The following FRAS1 variants were observed in gnomAD, a reference collection of about 807,000 sequenced individuals.
FRAS1 encodes Fraser extracellular matrix complex subunit 1, also known as extracellular matrix organizing protein FRAS1.
FRAS1 carries 290 observed loss-of-function variants against 435.2 expected under a neutral mutation model. The observed-to-expected ratio is 0.67, with a 90% confidence interval of 0.61 to 0.73. The LOEUF is 0.73. Ranked by LOEUF, FRAS1 falls within the 30% of genes least tolerant of loss-of-function variation. The probability of loss-of-function intolerance (pLI) is 0.00; values close to 1 mark genes in which losing one functional copy is unlikely to be tolerated. For missense variants in FRAS1, 4,860 were observed against 5,001.5 expected, an observed-to-expected ratio of 0.97 and a Z score of 0.85; for synonymous variants, 1,800 against 1,851.0, an observed-to-expected ratio of 0.97 and a Z score of 0.71.
intron 23 of FRAS1, 89 bp from the exon 24 acceptor site, chr4:78,372,629 T>G: frequency 3.3e-6 from 5 of 1,505,592 alleles, no homozygotes; most frequent in Non-Finnish European, 4.6e-6. Flanking sequence ...TTTTACTCCT[T>G]GCAGCTGCAG....
chr4:78,415,130 C>T (rs182082236), intron 32 of FRAS1, among the ~76,000 whole-genome samples: 197 of 152,300 alleles, frequency 1.3e-3, no homozygotes, highest in African/African-American at 4.5e-3. Flanking sequence ...TCCATTGTAT[C>T]ATTCTTATGC....
intron 65 of FRAS1, among the ~76,000 whole-genome samples, chr4:78,514,306 T>G (rs749590268): frequency 6.6e-6 from 1 of 152,228 alleles, no homozygotes; most frequent in Non-Finnish European, 1.5e-5. Context: ...AGGCAGCGCA[T>G]CTCTGTGTTC....
chr4:78,438,734 GTAT>G lies in FRAS1; in HGVS notation c.5366+21_5366+23del, dbSNP rs1560728177. 1 of 1,564,358 alleles carries G rather than the reference GTAT, an allele frequency of 6.4e-7. No individual in the cohort carries two copies. The highest frequency in any genetic ancestry group is 2.0e-5 in the Admixed American group (1 of 50,234). ...AGAAAATCAGGTACATAATCACTTTGTATTATTTGACAGATTCTTAAAAACTTG... is the reference window on the plus strand; with the variant it reads ...AGAAAATCAGGTACATAATCACTTTGTATTTGACAGATTCTTAAAAACTTG... On this transcript the variant is annotated intron_variant, in intron 39 of 73. Transcript: ENST00000512123.
chr4:78,422,921 A>G (rs958250435), intron 34 of FRAS1, among the ~76,000 whole-genome samples: 2 of 152,174 alleles, frequency 1.3e-5, no homozygotes, highest in African/African-American at 4.8e-5. Context: ...TAAAACCAGA[A>G]TTTGGCAGAA....
chr4:78,087,518 A>C (rs1387658071), intron 2 of FRAS1, among the ~76,000 whole-genome samples: 2 of 152,214 alleles, frequency 1.3e-5, no homozygotes, highest in African/African-American at 4.8e-5. Context: ...TTGTATCTGT[A>C]GAAAACCCCA....
At chr4:78,339,623 G>T (rs1267253639) in intron 20 of FRAS1, among the ~76,000 whole-genome samples, 1 of 152,198 alleles carries the variant, frequency 6.6e-6, no homozygotes, top group Non-Finnish European at 1.5e-5. Context: ...CAGGAGACAG[G>T]CCCAGCAGGT....
intron 6 of FRAS1, among the ~76,000 whole-genome samples, chr4:78,263,623 A>G (rs1726218258): frequency 6.6e-6 from 1 of 152,226 alleles, no homozygotes; most frequent in African/African-American, 2.4e-5. Context: ...ACATCAGCTA[A>G]CCTTCATTTT....
chr4:78,413,836 A>G (rs962586101), intron 32 of FRAS1, among the ~76,000 whole-genome samples: 1 of 152,162 alleles, frequency 6.6e-6, no homozygotes. Context: ...AAATTGGTAC[A>G]TGAAGCTTAG....
chr4:78,264,141 T>C (rs1726241332), intron 6 of FRAS1, among the ~76,000 whole-genome samples: 1 of 152,248 alleles, frequency 6.6e-6, no homozygotes, highest in South Asian at 2.1e-4. Context: ...CTGCCTTTCA[T>C]GTCTCCTTTC....
At chr4:78,201,411 C>A (rs1295191922) in intron 2 of FRAS1, among the ~76,000 whole-genome samples, 2 of 152,202 alleles carry the variant, frequency 1.3e-5, no homozygotes, top group African/African-American at 2.4e-5. Context: ...GAACTCGAAA[C>A]TTTAGCCTAA....
intron 63 of FRAS1, among the ~76,000 whole-genome samples, chr4:78,509,778 G>A (rs80150241): frequency 1.2e-3 from 184 of 152,342 alleles, no homozygotes; most frequent in African/African-American, 3.8e-3. Flanking sequence ...TGAGCTGAAA[G>A]CAGTTGAGAT....
At chr4:78,344,717 T>A (rs1312688663) in intron 20 of FRAS1, among the ~76,000 whole-genome samples, 1 of 152,184 alleles carries the variant, frequency 6.6e-6, no homozygotes, top group Admixed American at 6.5e-5. Flanking sequence ...ACGAACTTGC[T>A]GGTCTGTTTT....
intron 66 of FRAS1, among the ~76,000 whole-genome samples, chr4:78,516,679 A>G (rs1285245685): frequency 1.3e-5 from 2 of 152,232 alleles, no homozygotes; most frequent in African/African-American, 4.8e-5. Context: ...TTATAATCAT[A>G]GTGAAAGGGG....
chr4:78,158,178 A>G (rs1021918761), intron 2 of FRAS1, among the ~76,000 whole-genome samples: 1 of 152,176 alleles, frequency 6.6e-6, no homozygotes, highest in South Asian at 2.1e-4. Flanking sequence ...TTGATTCCAT[A>G]TGAATTTTAG....
rs116339551 is a variant in FRAS1, at chr4:78,381,853, A to C, written c.3563+1857A>C. Among the ~76,000 whole-genome samples, 1,387 of 151,362 alleles carry C rather than the reference A, an allele frequency of 9.2e-3. 21 individuals are homozygous for C. Among genetic ancestry groups the C allele is most frequent in the African/African-American group, 0.031 (1,289 of 41,106 alleles). On this transcript the variant is annotated intron_variant, in intron 27 of 73. Coordinates refer to ENST00000512123, the MANE Select transcript of FRAS1 (RefSeq NM_025074.7). Reference sequence around the variant, plus strand: ...TTTGGGGTACCCATTTTAATACTGGATTTTCTTTATCCAACAAAAGAAAGA... The same window carrying C: ...TTTGGGGTACCCATTTTAATACTGGCTTTTCTTTATCCAACAAAAGAAAGA...
At chr4:78,314,850 C>G (rs549728927) in intron 15 of FRAS1, among the ~76,000 whole-genome samples, 2 of 151,888 alleles carry the variant, frequency 1.3e-5, no homozygotes, top group South Asian at 4.1e-4. Context: ...ACTTTTCCAC[C>G]TCTTACCCCC....
rs1424013391 is a variant in FRAS1 at position 78,364,010 on chromosome 4, C to G, written c.2678C>G (p.Thr893Ser). 6.2e-6 allele frequency: 10 copies of G among 1,604,834 alleles called. No homozygotes were observed. Among genetic ancestry groups the G allele is most frequent in the Non-Finnish European group, 8.5e-6 (10 of 1,175,410 alleles). ...TCCCACACTGGCACCTGCAGCACCA[C>G]CTGCTTCCCTGGGCACTATCTTGAT... is the stretch of plus-strand genomic sequence containing the variant. The part of the protein sequence containing the change: ...VLSHTGTCST[T>S]CFPGHYLDDN... Residue 893 changes from threonine to serine, a missense_variant, in exon 22 of 74, where the codon ACC (threonine) becomes AGC (serine). Transcript: ENST00000512123.
At chr4:78,076,335 G>T (rs1361184815) in intron 2 of FRAS1, among the ~76,000 whole-genome samples, 1 of 152,146 alleles carries the variant, frequency 6.6e-6, no homozygotes, top group African/African-American at 2.4e-5. Flanking sequence ...TGATATTGAT[G>T]TTCATAATGA....
chr4:78,314,831 G>A (rs74846641), intron 15 of FRAS1, among the ~76,000 whole-genome samples: 1,539 of 152,130 alleles, frequency 0.01, 12 homozygotes, highest in Non-Finnish European at 0.016. Flanking sequence ...CTCTATGAAT[G>A]CTTTCTTGAC....
Sources: gnomAD v4.1 joint callset for allele counts (sites outside exome capture counted in the v4.1 genomes callset) on GRCh38, gnomAD v4.1.1 for gene constraint, MANE v1.5 for transcripts, NCBI Gene and HGNC (gene_info 2026-07-23, HGNC 2026-07-21) for gene names.